Variants in NRG1 observed in about 807,000 individuals in gnomAD.
NRG1 encodes the protein neuregulin 1.
NRG1 carries 18 observed loss-of-function variants against 63.8 expected under a neutral mutation model. That is an observed-to-expected ratio of 0.28 (90% CI 0.19 to 0.42). The LOEUF (loss-of-function observed/expected upper bound fraction) is 0.42, where lower values mean the gene tolerates loss of function less well. Ranked by LOEUF, NRG1 falls within the 10% of genes least tolerant of loss-of-function variation. The pLI, the probability that NRG1 is intolerant of heterozygous loss-of-function variation, is 1.00. For synonymous variants in NRG1, 302 were observed against 301.3 expected, an observed-to-expected ratio of 1.00 and a Z score of -0.02; for missense variants, 762 against 814.7, an observed-to-expected ratio of 0.94 and a Z score of 0.79.
At chr8:31,882,117 A>G (rs1463387058) in intron 1 of NRG1, among the ~76,000 whole-genome samples, 4 of 152,012 alleles carry the variant, frequency 2.6e-5, no homozygotes, top group Admixed American at 6.6e-5. Flanking sequence ...GGGACAGGCT[A>G]TCTTGTTAGG....
exon 2 of NRG1, chr8:32,595,944 A>C (rs1245337405): frequency 6.2e-7 from 1 of 1,614,018 alleles, no homozygotes. Flanking sequence ...GTGGTTCAAG[A>C]ATGGGAATGA....
chr8:32,771,851 C>T (rs1009338286), downstream of NRG1, among the ~76,000 whole-genome samples: 5 of 146,552 alleles, frequency 3.4e-5, no homozygotes, highest in Admixed American at 3.4e-4. Context: ...GGTGAAACCT[C>T]GTCTCTATTA....
chr8:32,769,999 G>A (rs2129066152), downstream of NRG1, among the ~76,000 whole-genome samples: 1 of 152,288 alleles, frequency 6.6e-6, no homozygotes, highest in South Asian at 2.1e-4. Context: ...AAGGAAACCA[G>A]TAATTTTTAA....
At chr8:32,476,422 C>T (rs1824525778) in intron 1 of NRG1, among the ~76,000 whole-genome samples, 1 of 152,174 alleles carries the variant, frequency 6.6e-6, no homozygotes, top group Non-Finnish European at 1.5e-5. Context: ...GGATCACATA[C>T]AATTACAGAA....
At chr8:32,677,973 A>G (rs374470435) in intron 5 of NRG1, among the ~76,000 whole-genome samples, 1 of 152,186 alleles carries the variant, frequency 6.6e-6, no homozygotes. Flanking sequence ...GTCCTCTGCT[A>G]TATCACATCA....
Position 32,528,429 on chromosome 8 carries a change from A to C in NRG1, c.38-67399A>C, listed in dbSNP as rs117243048. ...TTGAACTTGCGAGGTCAGCTTTCTC[A>C]GGTGACCTCAAAGGCAAGCATCTAG... On this transcript the variant is annotated intron_variant, in intron 1 of 10. Transcript: ENST00000519301. 4.4e-4 allele frequency among the ~76,000 whole-genome samples: 67 copies of C among 152,364 alleles called. 1 individual carries two copies. The East Asian group carries it at 0.013, about 29-fold the overall frequency.
chr8:32,478,409 A>T (rs1824814164), intron 1 of NRG1, among the ~76,000 whole-genome samples: 1 of 152,242 alleles, frequency 6.6e-6, no homozygotes, highest in Non-Finnish European at 1.5e-5. Flanking sequence ...TTGGGACACC[A>T]ATGTAATACC....
intron 1 of NRG1, among the ~76,000 whole-genome samples, chr8:32,307,999 G>A (rs559219753): frequency 9.9e-5 from 15 of 152,240 alleles, no homozygotes; most frequent in Admixed American, 9.2e-4. Flanking sequence ...CTCCGACCAC[G>A]CTGGGTGAGG....
At chr8:32,457,842 C>T (rs1210215154) in intron 1 of NRG1, among the ~76,000 whole-genome samples, 2 of 151,996 alleles carry the variant, frequency 1.3e-5, no homozygotes, top group African/African-American at 4.8e-5. Flanking sequence ...CTTATGGTTA[C>T]TTAATGTGAT....
intron 1 of NRG1, among the ~76,000 whole-genome samples, chr8:32,175,684 C>A (rs1248165242): frequency 1.3e-5 from 2 of 152,026 alleles, no homozygotes; most frequent in African/African-American, 2.4e-5. Flanking sequence ...CTTATCCACC[C>A]ATAACAGACA....
chr8:32,067,773 A>G (rs1825103442), intron 1 of NRG1, among the ~76,000 whole-genome samples: 1 of 152,202 alleles, frequency 6.6e-6, no homozygotes, highest in African/African-American at 2.4e-5. Flanking sequence ...TGTCTTATAT[A>G]TTATCCATAC....
At chr8:32,711,487 C>T (rs1817802590) in intron 5 of NRG1, among the ~76,000 whole-genome samples, 1 of 152,138 alleles carries the variant, frequency 6.6e-6, no homozygotes, top group Non-Finnish European at 1.5e-5. Context: ...CTAACATTAT[C>T]AATGCCAAAC....
intron 1 of NRG1, among the ~76,000 whole-genome samples, chr8:32,224,407 T>C (rs1846125175): frequency 6.6e-6 from 1 of 152,206 alleles, no homozygotes; most frequent in South Asian, 2.1e-4. Flanking sequence ...ACTGACTACC[T>C]GTCTGAAGAG....
rs377071687 is a variant in NRG1, at chr8:32,149,143, G to C, written c.38-446685G>C. ...TGAAATTTTTCCTGCTTCTCCAAAAGATAATTTTAGTCACTCTGTTGGTGA... is the reference window on the plus strand; with the variant it reads ...TGAAATTTTTCCTGCTTCTCCAAAACATAATTTTAGTCACTCTGTTGGTGA... On this transcript the variant is annotated intron_variant, in intron 1 of 10. Coordinates refer to the NRG1 transcript ENST00000519301. 2.0e-5 allele frequency among the ~76,000 whole-genome samples: 3 copies of C among 152,150 alleles called. No homozygotes were observed. The East Asian group carries it at 5.8e-4, about 29-fold the overall frequency.
chr8:32,587,471 T>C (rs1841819675), intron 1 of NRG1, among the ~76,000 whole-genome samples: 1 of 152,180 alleles, frequency 6.6e-6, no homozygotes, highest in African/African-American at 2.4e-5. Context: ...TAGATTTACA[T>C]GTCATTTTTG....
intron 1 of NRG1, among the ~76,000 whole-genome samples, chr8:32,212,404 T>C (rs1016305758): frequency 5.9e-5 from 9 of 152,162 alleles, no homozygotes; most frequent in Non-Finnish European, 7.4e-5. Flanking sequence ...ACTAAAACTT[T>C]CTGTGCTATT....
chr8:32,012,140 A>T (rs577567675), intron 1 of NRG1, among the ~76,000 whole-genome samples: 22 of 152,082 alleles, frequency 1.4e-4, no homozygotes, highest in Non-Finnish European at 2.9e-4. Flanking sequence ...GAAGCAAGCA[A>T]ACCCCTCTTT....
chr8:32,309,020 A>C (rs191768721), intron 1 of NRG1, among the ~76,000 whole-genome samples: 2 of 152,208 alleles, frequency 1.3e-5, no homozygotes, highest in Admixed American at 6.5e-5. Flanking sequence ...TGCCTTCTTG[A>C]CTGCTGATGT....
intron 1 of NRG1, among the ~76,000 whole-genome samples, chr8:32,079,652 A>T (rs1482911654): frequency 1.3e-5 from 2 of 152,206 alleles, no homozygotes; most frequent in Non-Finnish European, 2.9e-5. Context: ...ATATGCTCAT[A>T]AACAAAGCAG....
Sources: gnomAD v4.1 joint callset for allele counts (sites outside exome capture counted in the v4.1 genomes callset) on GRCh38, gnomAD v4.1.1 for gene constraint, MANE v1.5 for transcripts, NCBI Gene and HGNC (gene_info 2026-07-23, HGNC 2026-07-21) for gene names.